The following GRIK3 variants were observed in gnomAD, a reference collection of about 807,000 sequenced individuals.
The protein encoded by GRIK3 is glutamate ionotropic receptor kainate type subunit 3, also known as glutamate receptor ionotropic, kainate 3.
A neutral mutation model predicts 102.5 loss-of-function variants in GRIK3; 29 were observed. The ratio of observed to expected loss-of-function variants is 0.28; its 90% CI spans 0.21 to 0.39. GRIK3 has a LOEUF of 0.39. Among genes scored for constraint, GRIK3 ranks in the 10% least tolerant of loss-of-function variants. The pLI is 1.00. For synonymous variants in GRIK3, 511 were observed against 504.9 expected (o/e 1.01, Z -0.16); for missense variants, 908 against 1,252.4 (o/e 0.73, Z 4.15).
At position 36,880,589 on chromosome 1, in the gene GRIK3, C is replaced by A. The variant is rs771206955; in HGVS notation, c.550+45G>T. 1.1e-5 allele frequency: 17 copies of A among 1,589,354 alleles called. 1 individual carries two copies. In the South Asian group the frequency reaches 1.9e-4, roughly 18 times the overall value. On this transcript the variant is annotated intron_variant, in intron 3 of 15. Transcript: ENST00000373091. The surrounding 1 kb of genome is among the most constrained non-coding windows in gnomAD (Gnocchi z 5.4). Reference sequence around the variant, plus strand: ...CAAGAGCTTGATCCTGGGCCTCTGCCCCCCTCAACCGTTGCCCCCAGCCTA... The same window carrying A: ...CAAGAGCTTGATCCTGGGCCTCTGCACCCCTCAACCGTTGCCCCCAGCCTA...
chr1:36,957,550 G>A (rs12759647), intron 1 of GRIK3, among the ~76,000 whole-genome samples: 78 of 29,160 alleles, frequency 2.7e-3, no homozygotes, highest in Middle Eastern at 0.022. Context: ...CCTGTGCCCC[G>A]TGAGCCTGTG....
intron 1 of GRIK3, among the ~76,000 whole-genome samples, chr1:36,980,697 T>C (rs947690272): frequency 6.6e-6 from 1 of 152,018 alleles, no homozygotes; most frequent in African/African-American, 2.4e-5. Context: ...TCTTCTTCCC[T>C]ACCCAGTCCC....
At chr1:36,965,773 A>G (rs1384859704) in intron 1 of GRIK3, among the ~76,000 whole-genome samples, 1 of 152,154 alleles carries the variant, frequency 6.6e-6, no homozygotes, top group Non-Finnish European at 1.5e-5. Context: ...CCTAAGAAAC[A>G]TTTGCAAGGA....
chr1:36,875,136 A>G (rs966347425), intron 3 of GRIK3, among the ~76,000 whole-genome samples: 2 of 152,252 alleles, frequency 1.3e-5, no homozygotes, highest in African/African-American at 4.8e-5. Flanking sequence ...ACAGAGAAAA[A>G]TCCCAAGGAC....
intron 1 of GRIK3, among the ~76,000 whole-genome samples, chr1:37,031,956 C>A (rs974514807): frequency 4.6e-5 from 7 of 152,148 alleles, no homozygotes; most frequent in African/African-American, 1.7e-4. Flanking sequence ...TCACGTTTGG[C>A]GCAGGCACAA....
At chr1:36,857,355 C>T (rs955053806) in intron 7 of GRIK3, among the ~76,000 whole-genome samples, 5 of 152,138 alleles carry the variant, frequency 3.3e-5, no homozygotes, top group African/African-American at 1.2e-4. Flanking sequence ...CGGATGATTG[C>T]CCAGCCAGGG....
Position 36,819,578 on chromosome 1 carries a change from C to T in GRIK3, c.1873+158G>A, listed in dbSNP as rs532763297. ...AAGTTAGGGGTCTGGGGCAAGGGCA[C>T]ACACCTGGGTATCTCGATGTCTCCA... On this transcript the variant is annotated intron_variant, in intron 12 of 15. Coordinates refer to ENST00000373091, the MANE Select transcript of GRIK3 (RefSeq NM_000831.4). The surrounding 1 kb of genome is among the most constrained non-coding windows in gnomAD (Gnocchi z 4.1). 8.8e-4 allele frequency among the ~76,000 whole-genome samples: 134 copies of T among 152,336 alleles called. No individual in the cohort carries two copies. The highest frequency in any genetic ancestry group is 1.8e-3 in the Non-Finnish European group (120 of 68,038).
intron 10 of GRIK3, among the ~76,000 whole-genome samples, chr1:36,839,954 T>C (rs60174788): frequency 0.18 from 27,924 of 152,172 alleles, 2,947 homozygotes; most frequent in African/African-American, 0.29. Context: ...CCGAAGTCCC[T>C]GATGCTGTCT....
At chr1:36,875,650 C>T (rs934505507) in intron 3 of GRIK3, among the ~76,000 whole-genome samples, 6 of 152,192 alleles carry the variant, frequency 3.9e-5, no homozygotes, top group Non-Finnish European at 8.8e-5. Context: ...ACCTGCATTT[C>T]AGTCAAGGCC....
chr1:37,021,812 A>G (rs1642717784), intron 1 of GRIK3, among the ~76,000 whole-genome samples: 1 of 152,162 alleles, frequency 6.6e-6, no homozygotes, highest in African/African-American at 2.4e-5. Flanking sequence ...CCTCACTCTC[A>G]GTCACATTGG....
chr1:36,796,347 G>C lies in GRIK3; in HGVS notation c.*5504C>G, dbSNP rs951250194. The C allele has an allele frequency of 2.0e-5, 3 of 152,194 alleles. No homozygotes were observed. The highest frequency in any genetic ancestry group is 7.2e-5 in the African/African-American group (3 of 41,430). The allele number at this position is 152,194 out of a possible 1,614,324, so 9.4% of individuals were successfully genotyped here. ...GAGAAAGGCAGACAGATGGAGCCTG[G>C]GCTGTGCTAGGATAGGAGCTACCTT... On this transcript the variant is annotated 3_prime_UTR_variant, in exon 16 of 16. Transcript: ENST00000373091.
intron 1 of GRIK3, among the ~76,000 whole-genome samples, chr1:37,029,620 C>A (rs190911154): frequency 6.6e-6 from 1 of 152,356 alleles, no homozygotes; most frequent in Non-Finnish European, 1.5e-5. Context: ...CCTTATACTT[C>A]TCTCAAGAGG....
intron 1 of GRIK3, among the ~76,000 whole-genome samples, chr1:36,974,064 C>A (rs1421716616): frequency 6.6e-6 from 1 of 152,148 alleles, no homozygotes; most frequent in Non-Finnish European, 1.5e-5. Context: ...GATTGAGGCC[C>A]CAGCAAACCC....
intron 7 of GRIK3, among the ~76,000 whole-genome samples, chr1:36,857,636 C>T (rs902755956): frequency 6.6e-6 from 1 of 152,314 alleles, no homozygotes; most frequent in South Asian, 2.1e-4. Context: ...GAGACGCGAT[C>T]CAAAGGCACA....
intron 10 of GRIK3, among the ~76,000 whole-genome samples, chr1:36,827,162 C>T (rs768764879): frequency 6.6e-5 from 10 of 152,208 alleles, no homozygotes; most frequent in Non-Finnish European, 1.2e-4. Context: ...CTCCATGCGA[C>T]CTTGTGTCTG....
chr1:36,845,281 C>T (rs1024830731), intron 9 of GRIK3, among the ~76,000 whole-genome samples: 1 of 152,110 alleles, frequency 6.6e-6, no homozygotes, highest in Non-Finnish European at 1.5e-5. Flanking sequence ...GTGAAGGTGC[C>T]CTCAATTTCA....
intron 1 of GRIK3, among the ~76,000 whole-genome samples, chr1:37,007,830 G>C (rs899448377): frequency 6.6e-6 from 1 of 152,252 alleles, no homozygotes; most frequent in Non-Finnish European, 1.5e-5. Flanking sequence ...GAGGAGGGCA[G>C]TGATGGGACA....
In GRIK3 at chr1:36,850,510, C is replaced by T; in HGVS notation, c.1213-86G>A. ...ATCGACAAGACCTTCATCTCATTCC[C>T]ATTCATCATGAGCCTCATTGTCATG... On this transcript the variant is annotated intron_variant, in intron 8 of 15. Transcript: ENST00000373091. This position sits in a 1 kb window ranked among gnomAD's most constrained non-coding sequence, Gnocchi z 4.0. 1.3e-6 allele frequency: 1 copy of T among 767,226 alleles called. No homozygotes were observed. Among genetic ancestry groups the T allele is most frequent in the Non-Finnish European group, 2.3e-6 (1 of 429,210 alleles). 47.5% of individuals were successfully genotyped at this position (767,226 alleles called of 1,614,324 possible).
At chr1:36,861,185 G>A (rs748743529) in intron 5 of GRIK3, among the ~76,000 whole-genome samples, 7 of 151,694 alleles carry the variant, frequency 4.6e-5, no homozygotes, top group Non-Finnish European at 1.0e-4. Flanking sequence ...TGGTTCCCTC[G>A]TTAGTGAGTT....
Sources: gnomAD v4.1 joint callset for allele counts (sites outside exome capture counted in the v4.1 genomes callset) on GRCh38, gnomAD v4.1.1 for gene constraint, Gnocchi (gnomAD v3.1) non-coding constraint, MANE v1.5 for transcripts, NCBI Gene and HGNC (gene_info 2026-07-23, HGNC 2026-07-21) for gene names.